The following TCTN1 variants were observed in gnomAD, a reference collection of about 807,000 sequenced individuals.
TCTN1 encodes the protein tectonic-1.
In TCTN1, 58 loss-of-function variants were observed where a neutral mutation model predicts 65.8. The ratio of observed to expected loss-of-function variants is 0.88; its 90% CI spans 0.71 to 1.10. The LOEUF (loss-of-function observed/expected upper bound fraction) is 1.10, where lower values mean the gene tolerates loss of function less well. TCTN1 is among the 50% of genes least tolerant of loss of function. The probability of loss-of-function intolerance (pLI) is 0.00; values close to 1 mark genes in which losing one functional copy is unlikely to be tolerated. For synonymous variants in TCTN1, 273 were observed against 289.1 expected, an observed-to-expected ratio of 0.94 and a Z score of 0.57; for missense variants, 645 against 719.4, an observed-to-expected ratio of 0.90 and a Z score of 1.18.
chr12:110,634,841 T>G, intron 6 of TCTN1, 62 bp downstream of exon 6: 1 of 1,293,928 alleles, frequency 7.7e-7, no homozygotes, highest in African/African-American at 1.5e-5. Context: ...TCTGCGCTTT[T>G]AAAATATGAC....
chr12:110,634,854 G>C, intron 6 of TCTN1, 75 bp downstream of exon 6: 1 of 1,165,730 alleles, frequency 8.6e-7, no homozygotes, highest in Non-Finnish European at 1.3e-6. Context: ...AATATGACAA[G>C]TACAGAATAA....
chr12:110,633,823 A>G (rs2066384590), intron 5 of TCTN1, among the ~76,000 whole-genome samples: 1 of 152,216 alleles, frequency 6.6e-6, no homozygotes, highest in South Asian at 2.1e-4. Context: ...AACCTTGGTG[A>G]AGGGCAATTT....
At chr12:110,633,663 C>T (rs896239121) in intron 5 of TCTN1, among the ~76,000 whole-genome samples, 40 of 151,230 alleles carry the variant, frequency 2.6e-4, no homozygotes, top group African/African-American at 7.3e-4. Context: ...GAAAACAAAA[C>T]CAAAAACAAC....
intron 3 of TCTN1, 104 bp downstream of exon 3, chr12:110,626,596 T>C: frequency 1.6e-6 from 2 of 1,257,838 alleles, no homozygotes; most frequent in South Asian, 2.6e-5. Context: ...TATGGTTTTT[T>C]TGAGACAGAG....
chr12:110,632,513 T>G lies in TCTN1; in HGVS notation c.666T>G (p.Phe222Leu), dbSNP rs2066301569. The part of the protein sequence containing the change: ...PLQTSDSFLR[F>L]PSSLTSSLCT... The stretch of plus-strand genomic sequence containing the variant: ...AGACTTCAGATTCGTTTCTGAGATT[T>G]CCTTCGTCCCTGACATCATCTCTGT... The change falls in exon 5 of 15, where the codon TTT becomes TTG. Residue 222 changes from phenylalanine (F) to leucine (L), a missense_variant. Transcript: ENST00000397659. The G allele has an allele frequency of 1.9e-6, 3 of 1,613,982 alleles. No homozygotes were observed. The highest frequency in any genetic ancestry group is 1.7e-5 in the Admixed American group (1 of 59,990).
At chr12:110,643,772 A>C (rs1437999338) in intron 11 of TCTN1, 1 of 152,166 alleles carries the variant, frequency 6.6e-6, no homozygotes, top group African/African-American at 2.4e-5. Context: ...CTACAGGCTC[A>C]AGCAATCCTC....
chr12:110,641,703 G>A (rs1005438247), intron 10 of TCTN1, 76 bp downstream of exon 10: 1 of 1,444,840 alleles, frequency 6.9e-7, no homozygotes, highest in Non-Finnish European at 9.7e-7. Flanking sequence ...CTTTATCGCT[G>A]AGGCTCCCCT....
Position 110,632,546 on chromosome 12 carries a change from T to G in TCTN1, c.699T>G (p.Asp233Glu). 6.2e-7 allele frequency: 1 copy of G among 1,604,376 alleles called. No homozygotes were observed. Among genetic ancestry groups the G allele is most frequent in the Non-Finnish European group, 8.5e-7 (1 of 1,170,622 alleles). Residue 233 changes from aspartate (D) to glutamate (E), a missense_variant, in exon 5 of 15, where the codon GAT becomes GAG. Asp to Glu is a conservative substitution (Grantham distance 45). Coordinates refer to ENST00000397659, the MANE Select transcript of TCTN1 (RefSeq NM_001082538.3). ...PSSLTSSLCT[D>E]NNPAAFLVNQ... ...CCCTGACATCATCTCTGTGCACTGA[T>G]AATAACCCTGCAGGTAAGAAAGTGG...
At chr12:110,633,138 A>G (rs2066339450) in intron 5 of TCTN1, among the ~76,000 whole-genome samples, 1 of 152,094 alleles carries the variant, frequency 6.6e-6, no homozygotes, top group Non-Finnish European at 1.5e-5. Context: ...GTGCTCCCCT[A>G]TGCTCCTCTC....
chr12:110,629,045 A>T (rs1283631527), intron 4 of TCTN1, 127 bp downstream of exon 4: 1 of 996,760 alleles, frequency 1.0e-6, no homozygotes, highest in Non-Finnish European at 1.5e-6. Context: ...TAAAAAACTT[A>T]ATGTTCATGC....
At chr12:110,628,341 C>CTTTT in intron 3 of TCTN1, 84 of 837,094 alleles carry the variant, frequency 1.0e-4, no homozygotes, top group Non-Finnish European at 1.3e-4. Context: ...GAAAAATACA[C>CTTTT]TTTTTTTTTT....
intron 12 of TCTN1, chr12:110,646,867 C>T (rs367742773): frequency 1.2e-4 from 38 of 314,738 alleles, no homozygotes; most frequent in South Asian, 1.0e-3. Flanking sequence ...TCTGTGAGGC[C>T]GCTATAAACA....
intron 10 of TCTN1, 35 bp from the exon 11 acceptor site, chr12:110,642,214 A>G (rs775574606): frequency 2.5e-6 from 4 of 1,613,890 alleles, no homozygotes; most frequent in Admixed American, 3.3e-5. Flanking sequence ...AGGCTGCTCT[A>G]GCACTAGGCA....
intron 12 of TCTN1, 154 bp downstream of exon 12, chr12:110,645,283 G>A: frequency 2.1e-6 from 2 of 946,686 alleles, no homozygotes; most frequent in Non-Finnish European, 3.2e-6. Context: ...CCCCTTGTTA[G>A]CAATGTTGCC....
chr12:110,649,164 C>G lies in TCTN1; in HGVS notation c.*123C>G. On this transcript the variant is annotated 3_prime_UTR_variant, in exon 15 of 15. Coordinates refer to ENST00000397659, the MANE Select transcript of TCTN1 (RefSeq NM_001082538.3). Reference sequence around the variant, plus strand: ...CTTTGTTGCTCATTTTCAATTAAGGCTAAAGTGTTCAACATGAGAAAATGT... The same window carrying G: ...CTTTGTTGCTCATTTTCAATTAAGGGTAAAGTGTTCAACATGAGAAAATGT... 1.5e-6 allele frequency: 1 copy of G among 681,570 alleles called. No homozygotes were observed. Among genetic ancestry groups the G allele is most frequent in the Middle Eastern group, 2.3e-4 (1 of 4,282 alleles). 42.2% of individuals were successfully genotyped at this position (681,570 alleles called of 1,614,324 possible).
intron 1 of TCTN1, among the ~76,000 whole-genome samples, chr12:110,619,016 C>CA (rs1289748093): frequency 0.012 from 1,329 of 109,186 alleles, 2 homozygotes; most frequent in Non-Finnish European, 0.014. Context: ...AATAAAAATA[C>CA]AAAAAAAAAA....
intron 2 of TCTN1, among the ~76,000 whole-genome samples, chr12:110,622,102 A>C (rs1044204125): frequency 2.0e-5 from 3 of 151,820 alleles, no homozygotes; most frequent in African/African-American, 7.3e-5. Flanking sequence ...GCACCATTGC[A>C]CTCTAGCCCG....
Position 110,640,272 on chromosome 12 carries a change from T to G in TCTN1, c.844-111T>G. On this transcript the variant is annotated intron_variant, in intron 7 of 14. Coordinates refer to ENST00000397659, the MANE Select transcript of TCTN1 (RefSeq NM_001082538.3). The surrounding 1 kb of genome is among the most constrained non-coding windows in gnomAD (Gnocchi z 4.9). ...GTATATACACTGTTGTGTAGCATGC[T>G]TCCCCCTACTTGGCCATATATCAGG... is the stretch of plus-strand genomic sequence containing the variant. The G allele has an allele frequency of 7.8e-7, 1 of 1,275,090 alleles. No individual in the cohort carries two copies. Among genetic ancestry groups the G allele is most frequent in the East Asian group, 2.3e-5 (1 of 42,818 alleles). The allele number at this position is 1,275,090 out of a possible 1,614,324, so 79.0% of individuals were successfully genotyped here.
chr12:110,617,399 C>G (rs528353066), intron 1 of TCTN1, among the ~76,000 whole-genome samples: 2 of 151,856 alleles, frequency 1.3e-5, no homozygotes, highest in East Asian at 3.9e-4. Context: ...TCTCAGCTCA[C>G]TGCAACCTCC....
Sources: allele counts gnomAD v4.1 joint callset (sites outside exome capture counted in the v4.1 genomes callset), GRCh38; gene constraint gnomAD v4.1.1; non-coding constraint Gnocchi (gnomAD v3.1); transcripts MANE v1.5; gene names NCBI Gene and HGNC (gene_info 2026-07-23, HGNC 2026-07-21).